The following KCNAB1 variants were observed in gnomAD, a reference collection of about 807,000 sequenced individuals.
KCNAB1 encodes the protein voltage-gated potassium channel subunit beta-1.
KCNAB1 carries 35 observed loss-of-function variants against 64.6 expected under a neutral mutation model. The ratio of observed to expected loss-of-function variants is 0.54; its 90% CI spans 0.41 to 0.72. The LOEUF is 0.72. Ranked by LOEUF, KCNAB1 falls within the 30% of genes least tolerant of loss-of-function variation. KCNAB1 has a pLI of 0.00. For missense variants in KCNAB1, 401 were observed against 512.9 expected, an observed-to-expected ratio of 0.78 and a Z score of 2.11; for synonymous variants, 177 against 183.8, an observed-to-expected ratio of 0.96 and a Z score of 0.30.
At chr3:156,247,250 G>A (rs1717511859) in intron 1 of KCNAB1, among the ~76,000 whole-genome samples, 1 of 152,174 alleles carries the variant, frequency 6.6e-6, no homozygotes, top group African/African-American at 2.4e-5. Flanking sequence ...AGGGGTCTGA[G>A]ATAGCAATGG....
chr3:156,126,539 G>A (rs148942288), intron 1 of KCNAB1, among the ~76,000 whole-genome samples: 1,702 of 152,262 alleles, frequency 0.011, 34 homozygotes, highest in African/African-American at 0.038. Flanking sequence ...TCAAATGCAG[G>A]TATTAGCTTT....
intron 11 of KCNAB1, among the ~76,000 whole-genome samples, chr3:156,517,440 T>A (rs1717633770): frequency 2.0e-5 from 3 of 152,236 alleles, no homozygotes; most frequent in Non-Finnish European, 4.4e-5. Context: ...AAAAAACAAT[T>A]TTCCTAGAAT....
At chr3:156,469,552 T>C (rs1443380720) in intron 7 of KCNAB1, among the ~76,000 whole-genome samples, 2 of 152,190 alleles carry the variant, frequency 1.3e-5, no homozygotes, top group Non-Finnish European at 2.9e-5. Context: ...TAGAAATATC[T>C]TAAATTCCCT....
intron 1 of KCNAB1, among the ~76,000 whole-genome samples, chr3:156,343,911 G>C (rs1724305836): frequency 6.6e-6 from 1 of 152,120 alleles, no homozygotes; most frequent in African/African-American, 2.4e-5. Flanking sequence ...GACACATTTG[G>C]CTCCCTCTGG....
intron 1 of KCNAB1, among the ~76,000 whole-genome samples, chr3:156,408,973 C>T (rs1485227985): frequency 6.6e-6 from 1 of 152,092 alleles, no homozygotes; most frequent in Admixed American, 6.5e-5. Context: ...AGATACAAAG[C>T]TTTACTCAGT....
intron 1 of KCNAB1, among the ~76,000 whole-genome samples, chr3:156,317,941 A>G (rs969253928): frequency 1.3e-5 from 2 of 152,186 alleles, no homozygotes; most frequent in African/African-American, 4.8e-5. Context: ...ATTCCCATTC[A>G]ACTGCTCAAC....
chr3:156,348,667 G>A (rs1448901422), intron 1 of KCNAB1, among the ~76,000 whole-genome samples: 1 of 152,204 alleles, frequency 6.6e-6, no homozygotes, highest in African/African-American at 2.4e-5. Context: ...AGAGAGGGGA[G>A]TGCTCTGATC....
intron 1 of KCNAB1, among the ~76,000 whole-genome samples, chr3:156,224,692 G>A (rs1052031855): frequency 3.3e-5 from 5 of 152,116 alleles, no homozygotes; most frequent in African/African-American, 9.7e-5. Context: ...GAGATTAACC[G>A]AGAAGAGAGA....
chr3:156,189,668 A>G (rs1305481178), intron 1 of KCNAB1, among the ~76,000 whole-genome samples: 4 of 149,806 alleles, frequency 2.7e-5, no homozygotes, highest in African/African-American at 1.0e-4. Flanking sequence ...AAATGTGGCC[A>G]TGAAATTCAG....
At chr3:156,402,207 G>T (rs1713955915) in intron 1 of KCNAB1, among the ~76,000 whole-genome samples, 1 of 151,256 alleles carries the variant, frequency 6.6e-6, no homozygotes, top group South Asian at 2.1e-4. Flanking sequence ...AACATATTAA[G>T]AAATGCAACA....
At chr3:156,339,331 C>A (rs1723940757) in intron 1 of KCNAB1, among the ~76,000 whole-genome samples, 1 of 152,116 alleles carries the variant, frequency 6.6e-6, no homozygotes, top group African/African-American at 2.4e-5. Flanking sequence ...TCTTAGTGCA[C>A]CTAGTTGGGA....
chr3:156,143,572 T>TTTTTG (rs1560105812), intron 1 of KCNAB1: 9 of 54,196 alleles, frequency 1.7e-4, no homozygotes, highest in East Asian at 5.1e-4. Context: ...CATTCTTGTT[T>TTTTTG]TTTTTTTTTT....
intron 1 of KCNAB1, among the ~76,000 whole-genome samples, chr3:156,302,042 C>T (rs995065916): frequency 6.6e-5 from 10 of 152,158 alleles, no homozygotes; most frequent in Admixed American, 5.2e-4. Context: ...AGCAAAGCTC[C>T]TTTTCTCTGG....
chr3:156,118,847 G>T (rs1480739128), upstream of KCNAB1, among the ~76,000 whole-genome samples: 1 of 152,210 alleles, frequency 6.6e-6, no homozygotes, highest in Non-Finnish European at 1.5e-5. Context: ...ACACTTCGGG[G>T]AGTCTAGTTG....
intron 1 of KCNAB1, among the ~76,000 whole-genome samples, chr3:156,379,122 A>G (rs1031566937): frequency 6.6e-6 from 1 of 152,216 alleles, no homozygotes; most frequent in Non-Finnish European, 1.5e-5. Context: ...CTCTGTGAGC[A>G]TTGCATGGCA....
At chr3:156,153,183 C>T (rs1715518696) in intron 1 of KCNAB1, among the ~76,000 whole-genome samples, 1 of 152,136 alleles carries the variant, frequency 6.6e-6, no homozygotes, top group Non-Finnish European at 1.5e-5. Flanking sequence ...TCACAGGGCA[C>T]CACTTCACCA....
intron 1 of KCNAB1, among the ~76,000 whole-genome samples, chr3:156,389,864 C>T (rs1482565105): frequency 6.6e-6 from 1 of 152,150 alleles, no homozygotes; most frequent in African/African-American, 2.4e-5. Flanking sequence ...GTAAATAAAG[C>T]TTTATTGGAA....
intron 1 of KCNAB1, among the ~76,000 whole-genome samples, chr3:156,354,047 A>ATATGTGTGTGTG (rs1553851297): frequency 0.037 from 5,085 of 137,510 alleles, 356 homozygotes; most frequent in African/African-American, 0.13. Context: ...GTGTATATAT[A>ATATGTGTGTGTG]TGTGTGTGTG....
chr3:156,413,549 C>A (rs1334412211), intron 1 of KCNAB1, among the ~76,000 whole-genome samples: 1 of 152,168 alleles, frequency 6.6e-6, no homozygotes, highest in East Asian at 1.9e-4. Context: ...ACAGATGGGA[C>A]ACAGAGAGGT....
Sources: allele counts gnomAD v4.1 joint callset (sites outside exome capture counted in the v4.1 genomes callset), GRCh38; gene constraint gnomAD v4.1.1; transcripts MANE v1.5; gene names NCBI Gene and HGNC (gene_info 2026-07-23, HGNC 2026-07-21).